Variants in CSMD1 observed in about 807,000 individuals in gnomAD.
CSMD1 encodes CUB and sushi domain-containing protein 1.
A neutral mutation model predicts 417.5 loss-of-function variants in CSMD1; 213 were observed. The ratio of observed to expected loss-of-function variants is 0.51; its 90% CI spans 0.46 to 0.57. The LOEUF (loss-of-function observed/expected upper bound fraction) is 0.57. Ranked by LOEUF, CSMD1 falls within the 20% of genes least tolerant of loss-of-function variation. The pLI is 0.00. For synonymous variants in CSMD1, 2,862 were observed against 1,736.8 expected (o/e 1.65, Z -16.11); for missense variants, 6,923 against 4,529.7 (o/e 1.53, Z -15.17).
chr8:4,384,307 C>T (rs2128920358), intron 3 of CSMD1, among the ~76,000 whole-genome samples: 1 of 152,248 alleles, frequency 6.6e-6, no homozygotes, highest in South Asian at 2.1e-4. Flanking sequence ...CCATAAAGGG[C>T]AGTTCCGAAA....
At chr8:4,226,887 T>A (rs1022465558) in intron 3 of CSMD1, among the ~76,000 whole-genome samples, 1 of 152,216 alleles carries the variant, frequency 6.6e-6, no homozygotes, top group Admixed American at 6.5e-5. Flanking sequence ...AAATACATAT[T>A]TGAACGTAAA....
Position 3,317,451 on chromosome 8 carries a change from T to C in CSMD1, c.3632-8948A>G, listed in dbSNP as rs921467645. ...CAATCACACAAGTGTGGACTTGTAT[T>C]CTCTGTTGTTCTGGTGCCTGTTTTC... On this transcript the variant is annotated intron_variant, in intron 23 of 69. Transcript: ENST00000635120. 2.6e-5 allele frequency among the ~76,000 whole-genome samples: 4 copies of C among 152,302 alleles called. No homozygotes were observed. In the East Asian group the frequency reaches 5.8e-4, roughly 22 times the overall value.
Position 4,310,245 on chromosome 8 carries a change from C to A in CSMD1, c.415+109708G>T, listed in dbSNP as rs111491897. Among the ~76,000 whole-genome samples, 531 of 152,226 alleles carry A rather than the reference C, an allele frequency of 3.5e-3. 1 individual carries two copies. The highest frequency in any genetic ancestry group is 0.012 in the African/African-American group (489 of 41,548). On this transcript the variant is annotated intron_variant, in intron 3 of 69. Coordinates refer to ENST00000635120, the MANE Select transcript of CSMD1 (RefSeq NM_033225.6). ...AGGAATTAGCAATTAACTTATCACA[C>A]AGAAAAATATGAAGTTAGAACTGTT...
intron 1 of CSMD1, among the ~76,000 whole-genome samples, chr8:4,712,563 G>A (rs187916299): frequency 3.3e-5 from 5 of 152,192 alleles, no homozygotes; most frequent in African/African-American, 1.2e-4. Flanking sequence ...AAATAGAAGA[G>A]AACAGAAAGA....
intron 5 of CSMD1, among the ~76,000 whole-genome samples, chr8:3,854,828 AC>A (rs1385151395): frequency 6.6e-6 from 1 of 152,162 alleles, no homozygotes; most frequent in Non-Finnish European, 1.5e-5. Flanking sequence ...ACTAAACATA[AC>A]AAAAACAGGG....
chr8:4,565,645 G>A (rs534880983), intron 2 of CSMD1, among the ~76,000 whole-genome samples: 2 of 151,410 alleles, frequency 1.3e-5, no homozygotes, highest in African/African-American at 4.9e-5. Context: ...TGAAGCAGGA[G>A]AACCGTTTGA....
At chr8:3,234,356 C>T (rs1799026526) in intron 26 of CSMD1, among the ~76,000 whole-genome samples, 1 of 152,146 alleles carries the variant, frequency 6.6e-6, no homozygotes. Context: ...AAACGGAAGC[C>T]ACTCAATCAC....
chr8:3,091,166 A>G (rs1814918682), intron 48 of CSMD1, among the ~76,000 whole-genome samples: 1 of 152,078 alleles, frequency 6.6e-6, no homozygotes, highest in Non-Finnish European at 1.5e-5. Flanking sequence ...TATGCAATTA[A>G]TAGAAATACA....
chr8:3,974,523 A>T (rs1813294937), intron 5 of CSMD1, among the ~76,000 whole-genome samples: 1 of 152,066 alleles, frequency 6.6e-6, no homozygotes, highest in African/African-American at 2.4e-5. Flanking sequence ...AATCTTTCAT[A>T]GTAGTTGTTT....
chr8:3,528,330 C>A (rs1252718211), intron 10 of CSMD1, among the ~76,000 whole-genome samples: 2 of 152,202 alleles, frequency 1.3e-5, no homozygotes, highest in African/African-American at 2.4e-5. Context: ...CTTCCCCTCT[C>A]TATTTATACC....
At chr8:3,042,445 T>C (rs1811164677) in intron 50 of CSMD1, among the ~76,000 whole-genome samples, 1 of 152,204 alleles carries the variant, frequency 6.6e-6, no homozygotes, top group African/African-American at 2.4e-5. Context: ...GTATTTATCA[T>C]CTGCACATGA....
At position 4,956,040 on chromosome 8, in the gene CSMD1, G is replaced by C. The variant is rs958424297; in HGVS notation, c.85+38292C>G. On this transcript the variant is annotated intron_variant, in intron 1 of 69. Transcript: ENST00000635120. ...AGACTGCTCCAGTCACGTGCTCAAA[G>C]ACCACTTGCTCCTATCCTGGGGTGA... Among the ~76,000 whole-genome samples the C allele has an allele frequency of 2.2e-4, 33 of 152,164 alleles. 1 individual carries two copies. Among genetic ancestry groups the C allele is most frequent in the Admixed American group, 6.5e-5 (1 of 15,272 alleles).
intron 12 of CSMD1, among the ~76,000 whole-genome samples, chr8:3,456,905 A>T (rs1268906858): frequency 1.3e-5 from 2 of 151,880 alleles, no homozygotes; most frequent in East Asian, 3.9e-4. Flanking sequence ...CCCCCCTTGT[A>T]TTCTACACTT....
At chr8:4,245,841 C>G (rs1013460423) in intron 3 of CSMD1, among the ~76,000 whole-genome samples, 1 of 152,128 alleles carries the variant, frequency 6.6e-6, no homozygotes, top group African/African-American at 2.4e-5. Flanking sequence ...CACATCATTA[C>G]ATAATCACAT....
chr8:3,899,702 C>A (rs376261580), intron 5 of CSMD1, among the ~76,000 whole-genome samples: 1 of 152,232 alleles, frequency 6.6e-6, no homozygotes, highest in East Asian at 1.9e-4. Context: ...TGACAAATAA[C>A]TGAGCAACTG....
At chr8:4,236,326 G>C (rs370217582) in intron 3 of CSMD1, among the ~76,000 whole-genome samples, 1 of 152,178 alleles carries the variant, frequency 6.6e-6, no homozygotes, top group East Asian at 1.9e-4. Context: ...TAGTATAGTA[G>C]TTTAGTGCAT....
chr8:4,244,492 A>G (rs941676476), intron 3 of CSMD1, among the ~76,000 whole-genome samples: 2 of 152,186 alleles, frequency 1.3e-5, no homozygotes, highest in African/African-American at 4.8e-5. Context: ...TGGATAACCT[A>G]AAAATAGTTT....
At chr8:4,018,066 C>A (rs116560503) in intron 4 of CSMD1, among the ~76,000 whole-genome samples, 25,535 of 152,000 alleles carry the variant, frequency 0.17, 2,729 homozygotes, top group African/African-American at 0.3. Flanking sequence ...GGTATGTATG[C>A]TTGCAAAAAT....
intron 5 of CSMD1, among the ~76,000 whole-genome samples, chr8:3,961,261 TTATAAGCATAAAAGTTA>T (rs1323882234): frequency 5.9e-5 from 9 of 152,282 alleles, no homozygotes; most frequent in East Asian, 3.9e-4. Flanking sequence ...GGATTCTGAG[TTATAAGCATAAAAGTTA>T]TATAAGCATA....
Sources: gnomAD v4.1 joint callset for allele counts (sites outside exome capture counted in the v4.1 genomes callset) on GRCh38, gnomAD v4.1.1 for gene constraint, MANE v1.5 for transcripts, NCBI Gene and HGNC (gene_info 2026-07-23, HGNC 2026-07-21) for gene names.